AP3M1: variants seen among roughly 807,000 people sequenced by gnomAD.
The protein encoded by AP3M1 is adaptor related protein complex 3 subunit mu 1.
In AP3M1, 29 loss-of-function variants were observed where a neutral mutation model predicts 42.6. That is an observed-to-expected ratio of 0.68 (90% CI 0.51 to 0.93). AP3M1 has a LOEUF of 0.93. Among genes scored for constraint, AP3M1 ranks in the 40% least tolerant of loss-of-function variants. The pLI is 0.00. For missense variants in AP3M1, 416 were observed against 510.2 expected (o/e 0.82, Z 1.78); for synonymous variants, 178 against 175.3 (o/e 1.02, Z -0.12).
intron 1 of AP3M1, among the ~76,000 whole-genome samples, chr10:74,147,706 G>A (rs79952914): frequency 0.061 from 9,352 of 152,162 alleles, 349 homozygotes; most frequent in Middle Eastern, 0.14. Flanking sequence ...TCTTGGTAAA[G>A]GTAGTTTTGG....
chr10:74,134,739 A>G (rs996987072), intron 3 of AP3M1, among the ~76,000 whole-genome samples: 1 of 152,178 alleles, frequency 6.6e-6, no homozygotes, highest in Non-Finnish European at 1.5e-5. Context: ...TCCAAAACAC[A>G]TATCTTTGAG....
chr10:74,135,572 A>C (rs1469820077), intron 3 of AP3M1, among the ~76,000 whole-genome samples: 1 of 152,218 alleles, frequency 6.6e-6, no homozygotes, highest in Non-Finnish European at 1.5e-5. Flanking sequence ...GCTGGGTATA[A>C]TCATTGTAAA....
chr10:74,133,976 T>A, intron 4 of AP3M1, 51 bp downstream of exon 4: 1 of 1,602,450 alleles, frequency 6.2e-7, no homozygotes, highest in Non-Finnish European at 8.5e-7. Flanking sequence ...TCTATTCATC[T>A]GTGTCAGATG....
intron 8 of AP3M1, 53 bp from the exon 9 acceptor site, chr10:74,123,963 A>C: frequency 6.9e-7 from 1 of 1,445,882 alleles, no homozygotes; most frequent in Non-Finnish European, 9.7e-7. Context: ...AACCAATATA[A>C]TGTTAGCAAT....
chr10:74,124,735 T>C (rs1840565997), intron 7 of AP3M1, among the ~76,000 whole-genome samples: 1 of 152,168 alleles, frequency 6.6e-6, no homozygotes, highest in African/African-American at 2.4e-5. Flanking sequence ...TGTTGAGCAT[T>C]TTCTTTTGTA....
Position 74,138,160 on chromosome 10 carries a change from C to T in AP3M1, c.220G>A (p.Val74Met), listed in dbSNP as rs781205239. 2 of 1,614,118 alleles carry T rather than the reference C, an allele frequency of 1.2e-6. No homozygotes were observed. The highest frequency in any genetic ancestry group is 1.7e-6 in the Non-Finnish European group (2 of 1,180,010). Residue 74 changes from valine (V) to methionine (M), a missense_variant, in exon 2 of 9, where the codon GTG becomes ATG. Transcript: ENST00000355264. ...AACTCAATTACAAAGAGAGGTGGCA[C>T]TTCGGTCTGTATGACAGATACAAAG... ...LFFVSVIQTE[V>M]PPLFVIEFLH...
In AP3M1 at chr10:74,130,069, A is replaced by G. The variant is rs1476855827; in HGVS notation, c.584-77T>C. 7.0e-6 allele frequency: 7 copies of G among 1,000,096 alleles called. No homozygotes were observed. The Admixed American group carries it at 1.4e-4, about 19-fold the overall frequency. The allele number at this position is 1,000,096 out of a possible 1,614,324, so 62.0% of individuals were successfully genotyped here. A position where few individuals can be genotyped will look rare whatever the true frequency, so the allele number is the denominator to read the frequency against. On this transcript the variant is annotated intron_variant, in intron 4 of 8. Transcript: ENST00000355264. ...ACTAGACCTATCACTGTATCTTTTTATTTTTATTTATTGTTTTTAGAGACA... is the reference window on the plus strand; with the variant it reads ...ACTAGACCTATCACTGTATCTTTTTGTTTTTATTTATTGTTTTTAGAGACA...
intron 2 of AP3M1, 65 bp from the exon 3 acceptor site, chr10:74,136,868 T>C: frequency 8.7e-7 from 1 of 1,148,150 alleles, no homozygotes; most frequent in South Asian, 2.1e-5. Context: ...TAAATACTTT[T>C]TGTTCTGAAG....
intron 1 of AP3M1, among the ~76,000 whole-genome samples, chr10:74,149,498 C>T (rs1203550956): frequency 1.3e-5 from 2 of 151,720 alleles, no homozygotes; most frequent in East Asian, 3.9e-4. Context: ...CTATGTTGGC[C>T]AGGTTGGTCT....
intron 7 of AP3M1, among the ~76,000 whole-genome samples, chr10:74,125,500 C>T (rs1591735186): frequency 6.6e-6 from 1 of 152,302 alleles, no homozygotes; most frequent in Admixed American, 6.5e-5. Flanking sequence ...TCTTTGAATC[C>T]TTACAACTGT....
In AP3M1 at chr10:74,129,252, A is replaced by G. The variant is rs1399034272; in HGVS notation, c.670-11T>C. On this transcript the variant is annotated splice_polypyrimidine_tract_variant and intron_variant, in intron 5 of 8. Coordinates refer to ENST00000355264, the MANE Select transcript of AP3M1 (RefSeq NM_012095.6). Reference sequence around the variant, plus strand: ...CAGAAGCCTAGGGTTCTGCCAGAAAAACAGAAGACAGTCGTTCATAGACTA... The same window carrying G: ...CAGAAGCCTAGGGTTCTGCCAGAAAGACAGAAGACAGTCGTTCATAGACTA... 6.2e-7 allele frequency: 1 copy of G among 1,613,340 alleles called. No homozygotes were observed. Among genetic ancestry groups the G allele is most frequent in the South Asian group, 1.1e-5 (1 of 91,012 alleles).
intron 1 of AP3M1, among the ~76,000 whole-genome samples, chr10:74,148,244 A>G (rs903972142): frequency 1.3e-5 from 2 of 152,120 alleles, no homozygotes; most frequent in African/African-American, 4.8e-5. Flanking sequence ...CATAGGAGAG[A>G]GGGAAAAACG....
intron 4 of AP3M1, among the ~76,000 whole-genome samples, chr10:74,130,923 C>T (rs1423300313): frequency 6.6e-6 from 1 of 151,864 alleles, no homozygotes; most frequent in African/African-American, 2.4e-5. Flanking sequence ...CCAGCCTGGG[C>T]AACATGGCAA....
At position 74,124,299 on chromosome 10, in the gene AP3M1, C is replaced by T. The variant is rs935232188; in HGVS notation, c.1156+81G>A. 2.0e-6 allele frequency: 3 copies of T among 1,507,914 alleles called. No individual in the cohort carries two copies. In the African/African-American group the frequency reaches 4.2e-5, roughly 21 times the overall value. The allele number at this position is 1,507,914 out of a possible 1,614,324, so 93.4% of individuals were successfully genotyped here. On this transcript the variant is annotated intron_variant, in intron 8 of 8. Coordinates refer to ENST00000355264, the MANE Select transcript of AP3M1 (RefSeq NM_012095.6). ...CTACTGCTCTTTCTAGAGAAGGAAA[C>T]TTTTGTTACTCTTCTAAATGCCTAA...
Position 74,123,082 on chromosome 10 carries a change from G to A in AP3M1, c.*728C>T, listed in dbSNP as rs1367621042. 2 of 152,580 alleles carry A rather than the reference G, an allele frequency of 1.3e-5. No individual in the cohort carries two copies. Among genetic ancestry groups the A allele is most frequent in the African/African-American group, 4.8e-5 (2 of 41,434 alleles). 9.5% of individuals were successfully genotyped at this position (152,580 alleles called of 1,614,324 possible). On this transcript the variant is annotated 3_prime_UTR_variant, in exon 9 of 9. Transcript: ENST00000355264. ...AAGCATTTGCCCCTTTGATACAAAT[G>A]ATTTTTTTACTGTGCTAACAGCTGA...
intron 1 of AP3M1, among the ~76,000 whole-genome samples, chr10:74,145,705 A>G (rs369295137): frequency 1.3e-5 from 2 of 152,226 alleles, no homozygotes; most frequent in Non-Finnish European, 2.9e-5. Context: ...AAAAGCCACT[A>G]GAAGAAACTG....
At chr10:74,138,608 A>G (rs1280195785) in intron 1 of AP3M1, among the ~76,000 whole-genome samples, 4 of 151,568 alleles carry the variant, frequency 2.6e-5, no homozygotes, top group Non-Finnish European at 5.9e-5. Flanking sequence ...AAAAAAAAAA[A>G]AAAAAAAGAA....
At chr10:74,145,064 G>A (rs1841288962) in intron 1 of AP3M1, among the ~76,000 whole-genome samples, 1 of 152,174 alleles carries the variant, frequency 6.6e-6, no homozygotes, top group South Asian at 2.1e-4. Context: ...AAATTATTTA[G>A]AGTGGAAGTT....
intron 1 of AP3M1, among the ~76,000 whole-genome samples, chr10:74,140,093 A>C (rs1591760145): frequency 1.3e-5 from 2 of 152,074 alleles, no homozygotes; most frequent in South Asian, 4.2e-4. Flanking sequence ...AGGGACCCCC[A>C]CCTGCAGCTG....
Sources: allele counts gnomAD v4.1 joint callset (sites outside exome capture counted in the v4.1 genomes callset), GRCh38; gene constraint gnomAD v4.1.1; transcripts MANE v1.5; gene names NCBI Gene and HGNC (gene_info 2026-07-23, HGNC 2026-07-21).